The following FAS variants were observed in gnomAD, a reference collection of about 807,000 sequenced individuals.
FAS encodes tumor necrosis factor receptor superfamily member 6.
In FAS, 5 loss-of-function variants were observed where a neutral mutation model predicts 33.2. The ratio of observed to expected loss-of-function variants is 0.15; its 90% CI spans 0.08 to 0.32. FAS has a LOEUF of 0.32. FAS is among the 10% of genes least tolerant of loss of function. The probability of loss-of-function intolerance (pLI) is 1.00; values close to 1 mark genes in which losing one functional copy is unlikely to be tolerated. For missense variants in FAS, 339 were observed against 386.0 expected (o/e 0.88, Z 1.02); for synonymous variants, 131 against 130.7 (o/e 1.00, Z -0.01).
At chr10:89,012,952 T>A (rs1017482223) in intron 7 of FAS, 1 of 156,148 alleles carries the variant, frequency 6.4e-6, no homozygotes, top group Non-Finnish European at 1.4e-5. Flanking sequence ...TAAATTAATA[T>A]GGTAAAAAAA....
chr10:88,974,417 T>A (rs1352029380), intron 2 of FAS: 1 of 152,220 alleles, frequency 6.6e-6, no homozygotes, highest in East Asian at 1.9e-4. Context: ...CCCAATTAGT[T>A]GAAAAATATG....
chr10:88,982,692 ATTTATGTAGT>A (rs1846741108), upstream of FAS, among the ~76,000 whole-genome samples: 2 of 152,170 alleles, frequency 1.3e-5, no homozygotes, highest in Non-Finnish European at 2.9e-5. Context: ...AGGAAAATGT[ATTTATGTAGT>A]CAAGTAAGAC....
chr10:88,978,254 T>TG (rs1306676422), intron 2 of FAS, among the ~76,000 whole-genome samples: 4 of 92,230 alleles, frequency 4.3e-5, no homozygotes, highest in African/African-American at 1.7e-4. Flanking sequence ...TGTTGTGGGG[T>TG]GGGGGGAGGG....
chr10:89,002,176 T>C (rs994386719), intron 1 of FAS, among the ~76,000 whole-genome samples: 13 of 152,226 alleles, frequency 8.5e-5, no homozygotes, highest in African/African-American at 2.4e-4. Flanking sequence ...ATGGAGTTGT[T>C]TGCATACCTA....
chr10:88,991,310 G>GAC (rs1367385098), intron 1 of FAS: 1 of 362,182 alleles, frequency 2.8e-6, no homozygotes, highest in African/African-American at 2.1e-5. Flanking sequence ...GGAACTCCTG[G>GAC]ACAAGCCCTG....
chr10:89,002,933 A>G (rs895933410), intron 1 of FAS, 96 bp from the exon 2 acceptor site: 2 of 1,325,998 alleles, frequency 1.5e-6, no homozygotes, highest in African/African-American at 1.5e-5. Context: ...TTGCCTGTGC[A>G]CAGCAGATAC....
Position 88,990,928 on chromosome 10 carries a change from T to C in FAS, c.30+22T>C. On this transcript the variant is annotated intron_variant, in intron 1 of 8. Transcript: ENST00000652046. The surrounding 1 kb of genome is among the most constrained non-coding windows in gnomAD (Gnocchi z 4.9). ...TCTGGTGAGCCCTCTCCTGCCCGGG[T>C]GGAGGCTTACCCCGTCTTAGTCCCG... 6.2e-7 allele frequency: 1 copy of C among 1,614,008 alleles called. No homozygotes were observed. The highest frequency in any genetic ancestry group is 8.5e-7 in the Non-Finnish European group (1 of 1,179,968).
intron 2 of FAS, among the ~76,000 whole-genome samples, chr10:88,977,479 T>C (rs978163361): frequency 8.5e-5 from 13 of 152,108 alleles, no homozygotes; most frequent in Non-Finnish European, 1.6e-4. Context: ...GTTGTAGATA[T>C]GCGGCGTTCA....
intron 1 of FAS, among the ~76,000 whole-genome samples, chr10:88,991,996 C>A (rs1847261297): frequency 1.3e-5 from 2 of 152,140 alleles, no homozygotes; most frequent in Non-Finnish European, 2.9e-5. Flanking sequence ...CGGATTCTCA[C>A]GAGAGCCATG....
intron 1 of FAS, among the ~76,000 whole-genome samples, chr10:88,965,973 T>G (rs1846311700): frequency 1.3e-5 from 2 of 152,208 alleles, no homozygotes; most frequent in South Asian, 4.1e-4. Flanking sequence ...AAGCATGGCC[T>G]GAATTTACGG....
At chr10:88,999,480 T>A (rs1847808870) in intron 1 of FAS, among the ~76,000 whole-genome samples, 1 of 152,220 alleles carries the variant, frequency 6.6e-6, no homozygotes, top group African/African-American at 2.4e-5. Context: ...CTATTATACT[T>A]GTATAATAAA....
intron 4 of FAS, 104 bp from the exon 5 acceptor site, chr10:89,010,435 T>C (rs1848466753): frequency 2.3e-6 from 2 of 872,038 alleles, no homozygotes; most frequent in East Asian, 2.6e-5. Context: ...TTGCCAGAGA[T>C]GCAAAGATGA....
intron 2 of FAS, among the ~76,000 whole-genome samples, chr10:89,004,945 T>G (rs1278092871): frequency 6.6e-6 from 1 of 152,224 alleles, no homozygotes; most frequent in African/African-American, 2.4e-5. Context: ...GTAATTTGAT[T>G]GAATATTGCA....
chr10:88,970,704 C>T (rs909545974), intron 1 of FAS, among the ~76,000 whole-genome samples: 4 of 152,074 alleles, frequency 2.6e-5, no homozygotes, highest in African/African-American at 9.7e-5. Flanking sequence ...GAACATCACA[C>T]ACCGGGGCCT....
intron 1 of FAS, chr10:88,991,702 T>G (rs527489751): frequency 6.5e-6 from 1 of 152,694 alleles, no homozygotes; most frequent in South Asian, 2.1e-4. Flanking sequence ...CTTTCTTAGC[T>G]TGCACTCCCA....
At chr10:88,981,300 T>G (rs1366863439) in intron 2 of FAS, among the ~76,000 whole-genome samples, 1 of 152,230 alleles carries the variant, frequency 6.6e-6, no homozygotes, top group African/African-American at 2.4e-5. Flanking sequence ...TGAGACATTG[T>G]GTGCATAAAG....
intron 2 of FAS, among the ~76,000 whole-genome samples, chr10:89,004,472 G>C (rs941828245): frequency 6.6e-6 from 1 of 151,118 alleles, no homozygotes; most frequent in African/African-American, 2.4e-5. Context: ...CCACTAACTC[G>C]TCATCTAGCA....
chr10:89,013,214 C>T (rs1168553589), intron 7 of FAS, 129 bp from the exon 8 acceptor site: 1 of 847,310 alleles, frequency 1.2e-6, no homozygotes, highest in Non-Finnish European at 1.8e-6. Flanking sequence ...ATCTAGCTTC[C>T]TAATTTTATA....
At chr10:88,993,171 A>G (rs1207180058) in intron 1 of FAS, among the ~76,000 whole-genome samples, 1 of 151,786 alleles carries the variant, frequency 6.6e-6, no homozygotes, top group Non-Finnish European at 1.5e-5. Context: ...TCTCTTTCCT[A>G]TTTCTGAGTG....
Sources: gnomAD v4.1 joint callset for allele counts (sites outside exome capture counted in the v4.1 genomes callset) on GRCh38, gnomAD v4.1.1 for gene constraint, Gnocchi (gnomAD v3.1) non-coding constraint, MANE v1.5 for transcripts, NCBI Gene and HGNC (gene_info 2026-07-23, HGNC 2026-07-21) for gene names.